The following PTGER3 variants were observed in gnomAD, a reference collection of about 807,000 sequenced individuals.
PTGER3 encodes prostaglandin E2 receptor EP3 subtype.
A neutral mutation model predicts 34.7 loss-of-function variants in PTGER3; 22 were observed. The observed-to-expected ratio is 0.63, with a 90% CI of 0.45 to 0.91. PTGER3 has a LOEUF of 0.91. Ranked by LOEUF, PTGER3 falls within the 40% of genes least tolerant of loss-of-function variation. The pLI is 0.00. For missense variants in PTGER3, 468 were observed against 519.4 expected (o/e 0.90, Z 0.96); for synonymous variants, 241 against 230.1 (o/e 1.05, Z -0.43).
intron 4 of PTGER3, among the ~76,000 whole-genome samples, chr1:70,887,850 G>T (rs925195171): frequency 1.3e-5 from 2 of 151,998 alleles, no homozygotes; most frequent in Non-Finnish European, 2.9e-5. Flanking sequence ...ATGTAAACAA[G>T]AGCAAAGAGT....
intron 2 of PTGER3, among the ~76,000 whole-genome samples, chr1:70,979,436 A>T (rs1435674690): frequency 6.6e-6 from 1 of 152,074 alleles, no homozygotes; most frequent in African/African-American, 2.4e-5. Context: ...ATTAATTGTT[A>T]TTCTGTACAG....
chr1:70,896,346 A>G (rs1345411773), intron 4 of PTGER3, among the ~76,000 whole-genome samples: 3 of 152,220 alleles, frequency 2.0e-5, no homozygotes, highest in Non-Finnish European at 2.9e-5. Context: ...GGACACAGAG[A>G]CAGATGTATA....
In PTGER3 at chr1:70,975,364, C is replaced by CT. The variant is rs35070631; in HGVS notation, c.1078-977dup. Among the ~76,000 whole-genome samples, 101 of 151,830 alleles carry CT rather than the reference C, an allele frequency of 6.7e-4. 2 individuals are homozygous for CT. The South Asian group carries it at 0.011, about 17-fold the overall frequency. ...GGATGTCACAGCAGAAAAACGATTC[C>CT]TTTTTTTTATAAATTTCTCAGTAAT... On this transcript the variant is annotated intron_variant, in intron 2 of 3. Transcript: ENST00000306666.
chr1:70,891,117 A>G (rs565405832), intron 4 of PTGER3, among the ~76,000 whole-genome samples: 6 of 152,270 alleles, frequency 3.9e-5, no homozygotes, highest in Non-Finnish European at 8.8e-5. Context: ...TTGGATTTCA[A>G]CTATAACCTT....
At chr1:71,000,434 A>T (rs2100810478) in intron 2 of PTGER3, among the ~76,000 whole-genome samples, 1 of 152,290 alleles carries the variant, frequency 6.6e-6, no homozygotes, top group South Asian at 2.1e-4. Context: ...AATTTCTTTA[A>T]AACGTTGTTA....
At chr1:70,874,431 C>A (rs1646230090) in intron 4 of PTGER3, among the ~76,000 whole-genome samples, 1 of 152,192 alleles carries the variant, frequency 6.6e-6, no homozygotes. Context: ...CTCCCCAGCT[C>A]CTCTGGCTGG....
Position 70,981,251 on chromosome 1 carries a change from CT to C in PTGER3, c.1078-6864del, listed in dbSNP as rs199901147. ...ATACTATTGTTTCTTTTTCTTTCTCCTTTTTTTTCTTTTCTTTTTCCTTTTC... is the reference window on the plus strand; with the variant it reads ...ATACTATTGTTTCTTTTTCTTTCTCCTTTTTTTCTTTTCTTTTTCCTTTTC... On this transcript the variant is annotated intron_variant, in intron 2 of 3. Transcript: ENST00000306666. Among the ~76,000 whole-genome samples, 1,493 of 151,620 alleles carry C rather than the reference CT, an allele frequency of 9.8e-3. 21 individuals carry two copies. The highest frequency in any genetic ancestry group is 0.025 in the South Asian group (119 of 4,770).
In PTGER3 at chr1:70,935,672, A is replaced by ATATATATATATATATATATATATATAT. The variant is rs59431299; in HGVS notation, c.*23+18090_*23+18091insATATATATATATATATATATATATATA. On this transcript the variant is annotated intron_variant, in intron 4 of 4. Coordinates refer to the PTGER3 transcript ENST00000370931. ...TGTTGGTACTAAGGATACAAATATA[A>ATATATATATATATATATATATATATAT]ATATATATATATATATATATATGTT... is the stretch of plus-strand genomic sequence containing the variant. Among the ~76,000 whole-genome samples, 36 of 140,210 alleles carry ATATATATATATATATATATATATATAT rather than the reference A, an allele frequency of 2.6e-4. 1 individual carries two copies. Among genetic ancestry groups the ATATATATATATATATATATATATATAT allele is most frequent in the African/African-American group, 9.9e-4 (36 of 36,420 alleles). 92.0% of individuals were successfully genotyped at this position (140,210 alleles called of 152,430 possible).
intron 4 of PTGER3, among the ~76,000 whole-genome samples, chr1:70,941,497 C>G (rs1255153268): frequency 6.6e-6 from 1 of 152,042 alleles, no homozygotes; most frequent in East Asian, 1.9e-4. Flanking sequence ...ATTTTTTCAG[C>G]CCCTGAAAAT....
At chr1:70,957,629 T>C (rs955026195) in intron 2 of PTGER3, among the ~76,000 whole-genome samples, 2 of 152,218 alleles carry the variant, frequency 1.3e-5, no homozygotes, top group African/African-American at 4.8e-5. Flanking sequence ...TTGAGGCACA[T>C]GTACATAGTG....
chr1:70,933,430 T>C (rs1370969621), intron 4 of PTGER3, among the ~76,000 whole-genome samples: 1 of 152,224 alleles, frequency 6.6e-6, no homozygotes, highest in Non-Finnish European at 1.5e-5. Context: ...TCAAAGTCAC[T>C]GTGCTTTGTA....
chr1:71,044,544 T>A (rs1348080691), intron 1 of PTGER3, among the ~76,000 whole-genome samples: 1 of 152,070 alleles, frequency 6.6e-6, no homozygotes, highest in Admixed American at 6.6e-5. Flanking sequence ...ATGCTATAAA[T>A]CAATAAGTAT....
At chr1:71,007,367 C>T (rs1014777259) in intron 2 of PTGER3, 3 of 985,654 alleles carry the variant, frequency 3.0e-6, no homozygotes, top group Non-Finnish European at 3.6e-6. Context: ...ATTTTTTTCT[C>T]TTTCAAGGAA....
intron 2 of PTGER3, among the ~76,000 whole-genome samples, chr1:70,993,426 A>G (rs1169668834): frequency 1.3e-5 from 2 of 152,228 alleles, no homozygotes; most frequent in African/African-American, 4.8e-5. Flanking sequence ...ATTTTCTGAG[A>G]AATTCACCAA....
chr1:70,889,846 C>T (rs545117770), intron 4 of PTGER3, among the ~76,000 whole-genome samples: 1 of 151,772 alleles, frequency 6.6e-6, no homozygotes. Flanking sequence ...TGTTCTTAGG[C>T]TTCTTCCCTT....
chr1:70,974,228 T>A, intron 3 of PTGER3, 69 bp downstream of exon 3: 1 of 1,579,042 alleles, frequency 6.3e-7, no homozygotes, highest in Non-Finnish European at 8.6e-7. Flanking sequence ...CTTTGTAGCA[T>A]CAACTCCGAT....
chr1:70,913,516 T>G (rs1318577941), intron 4 of PTGER3, among the ~76,000 whole-genome samples: 4 of 151,874 alleles, frequency 2.6e-5, no homozygotes, highest in Non-Finnish European at 4.4e-5. Flanking sequence ...GACTGGAATC[T>G]CCAGTAAATG....
In PTGER3 at chr1:70,974,475, T is replaced by C. The variant is rs528536220; in HGVS notation, c.1078-87A>G. The stretch of plus-strand genomic sequence containing the variant: ...CCAAAACCTGCATATCAAAGTCACA[T>C]TGGCTATGATCAATATGGATGTTTT... On this transcript the variant is annotated intron_variant, in intron 2 of 3. Coordinates refer to ENST00000306666, the MANE Select transcript of PTGER3 (RefSeq NM_198719.2). 37 of 713,386 alleles carry C rather than the reference T, an allele frequency of 5.2e-5. No individual in the cohort carries two copies. In the Admixed American group the frequency reaches 5.4e-4, roughly 10 times the overall value. 44.2% of individuals were successfully genotyped at this position (713,386 alleles called of 1,614,324 possible).
rs979386541 is a variant in PTGER3 at position 71,007,659 on chromosome 1, T to C, written c.1077+4646A>G. On this transcript the variant is annotated intron_variant, in intron 2 of 3. Coordinates refer to ENST00000306666, the MANE Select transcript of PTGER3 (RefSeq NM_198719.2). ...AAAGTAGAACGTTGAAGTGTATTAGTAAATCACACGCATTTCCCTCTGCTT... is the reference window on the plus strand; with the variant it reads ...AAAGTAGAACGTTGAAGTGTATTAGCAAATCACACGCATTTCCCTCTGCTT... 3 of 985,416 alleles carry C rather than the reference T, an allele frequency of 3.0e-6. No individual in the cohort carries two copies. The South Asian group carries it at 1.4e-4, about 46-fold the overall frequency. 61.0% of individuals were successfully genotyped at this position (985,416 alleles called of 1,614,324 possible).
Sources: gnomAD v4.1 joint callset for allele counts (sites outside exome capture counted in the v4.1 genomes callset) on GRCh38, gnomAD v4.1.1 for gene constraint, MANE v1.5 for transcripts, NCBI Gene and HGNC (gene_info 2026-07-23, HGNC 2026-07-21) for gene names.